The following CNBD1 variants were observed in gnomAD, a reference collection of about 807,000 sequenced individuals.
The protein encoded by CNBD1 is cyclic nucleotide-binding domain-containing protein 1.
CNBD1 carries 71 observed loss-of-function variants against 54.4 expected under a neutral mutation model. The ratio of observed to expected loss-of-function variants is 1.30; its 90% CI spans 1.08 to 1.59. The LOEUF (loss-of-function observed/expected upper bound fraction) is 1.59, where lower values mean the gene tolerates loss of function less well. Among genes scored for constraint, CNBD1 ranks in the 40% most tolerant of loss-of-function variants. The probability of loss-of-function intolerance (pLI) is 0.00; values close to 1 mark genes in which losing one functional copy is unlikely to be tolerated. For missense variants in CNBD1, 659 were observed against 518.0 expected, an observed-to-expected ratio of 1.27 and a Z score of -2.64; for synonymous variants, 182 against 170.7, an observed-to-expected ratio of 1.07 and a Z score of -0.51.
At chr8:87,223,950 G>C (rs557539107) in intron 5 of CNBD1, among the ~76,000 whole-genome samples, 1 of 152,248 alleles carries the variant, frequency 6.6e-6, no homozygotes, top group Admixed American at 6.5e-5. Flanking sequence ...GGTGTGAGAT[G>C]GTATCTCATT....
At chr8:87,365,879 A>G (rs765077527) in intron 10 of CNBD1, among the ~76,000 whole-genome samples, 3 of 152,074 alleles carry the variant, frequency 2.0e-5, no homozygotes, top group African/African-American at 4.8e-5. Context: ...AATGTCTCCC[A>G]CATTCTTTAT....
At chr8:87,092,517 ATG>A (rs1190500068) in intron 4 of CNBD1, among the ~76,000 whole-genome samples, 39 of 127,412 alleles carry the variant, frequency 3.1e-4, no homozygotes, top group African/African-American at 1.4e-3. Context: ...GTGTGTGTGT[ATG>A]TGTGTGTATG....
chr8:87,228,114 G>A (rs1232472925), intron 5 of CNBD1, among the ~76,000 whole-genome samples: 1 of 150,990 alleles, frequency 6.6e-6, no homozygotes, highest in African/African-American at 2.5e-5. Flanking sequence ...GCACTTCTCT[G>A]TATTGGTTAT....
At chr8:87,345,717 A>C (rs1259597682) in intron 8 of CNBD1, among the ~76,000 whole-genome samples, 3 of 152,098 alleles carry the variant, frequency 2.0e-5, no homozygotes, top group Non-Finnish European at 4.4e-5. Context: ...TTATGAAATA[A>C]ACATAAAAAA....
chr8:87,045,791 C>T (rs1418770338), intron 4 of CNBD1, among the ~76,000 whole-genome samples: 1 of 150,166 alleles, frequency 6.7e-6, no homozygotes, highest in Non-Finnish European at 1.5e-5. Flanking sequence ...CCTATAATCC[C>T]AGCACTTTAG....
At chr8:87,171,873 G>A (rs1479526381) in intron 4 of CNBD1, among the ~76,000 whole-genome samples, 5 of 151,890 alleles carry the variant, frequency 3.3e-5, no homozygotes, top group Non-Finnish European at 5.9e-5. Flanking sequence ...TCCTGACCTC[G>A]TGATCCACCT....
At chr8:87,390,791 C>T (rs1036379046) in intron 2 of CNBD1, among the ~76,000 whole-genome samples, 8 of 152,132 alleles carry the variant, frequency 5.3e-5, no homozygotes, top group Admixed American at 1.3e-4. Flanking sequence ...CACATGCACA[C>T]ATATGTTTAT....
intron 8 of CNBD1, among the ~76,000 whole-genome samples, chr8:87,298,346 C>T (rs777021312): frequency 6.6e-6 from 1 of 151,888 alleles, no homozygotes; most frequent in Non-Finnish European, 1.5e-5. Flanking sequence ...GGGCAAAGCG[C>T]GATGGAAGAC....
chr8:87,116,620 C>A (rs1217425716), intron 4 of CNBD1, among the ~76,000 whole-genome samples: 2 of 152,156 alleles, frequency 1.3e-5, no homozygotes, highest in African/African-American at 4.8e-5. Context: ...TTAACAGGTT[C>A]AATTTCATCC....
chr8:87,068,211 A>G (rs540331937), intron 4 of CNBD1, among the ~76,000 whole-genome samples: 1 of 152,080 alleles, frequency 6.6e-6, no homozygotes, highest in Non-Finnish European at 1.5e-5. Context: ...CTTACTCATC[A>G]AATTCTGACA....
intron 6 of CNBD1, among the ~76,000 whole-genome samples, chr8:87,241,291 TGAG>T (rs1807697945): frequency 7.3e-6 from 1 of 137,788 alleles, no homozygotes; most frequent in Admixed American, 7.4e-5. Context: ...TTTTTTTTTT[TGAG>T]GAGTCTCGCT....
intron 5 of CNBD1, among the ~76,000 whole-genome samples, chr8:87,208,489 A>G (rs938238207): frequency 2.0e-5 from 3 of 151,890 alleles, no homozygotes; most frequent in Non-Finnish European, 4.4e-5. Flanking sequence ...CTCTATATAC[A>G]TGTGTACGTA....
intron 2 of CNBD1, among the ~76,000 whole-genome samples, chr8:87,416,076 A>G (rs1399788272): frequency 1.3e-5 from 2 of 151,712 alleles, no homozygotes; most frequent in Non-Finnish European, 2.9e-5. Flanking sequence ...CACTTTCTCA[A>G]TACAACAATG....
intron 5 of CNBD1, among the ~76,000 whole-genome samples, chr8:87,228,525 T>G (rs994943194): frequency 2.0e-5 from 3 of 150,176 alleles, no homozygotes; most frequent in African/African-American, 7.6e-5. Flanking sequence ...GTGCCCCTGC[T>G]GGGGGGTGCC....
chr8:87,287,993 T>G (rs1808727315), intron 8 of CNBD1, among the ~76,000 whole-genome samples: 1 of 152,124 alleles, frequency 6.6e-6, no homozygotes, highest in Non-Finnish European at 1.5e-5. Flanking sequence ...TGGCATTTTT[T>G]TAACCAAAAG....
At chr8:87,403,617 A>G (rs1164027620) in intron 2 of CNBD1, among the ~76,000 whole-genome samples, 1 of 151,964 alleles carries the variant, frequency 6.6e-6, no homozygotes, top group East Asian at 1.9e-4. Flanking sequence ...CTTAATCTGT[A>G]TTTTATTCTT....
At chr8:87,413,979 C>G (rs1186960182) in intron 2 of CNBD1, among the ~76,000 whole-genome samples, 1 of 151,888 alleles carries the variant, frequency 6.6e-6, no homozygotes, top group Non-Finnish European at 1.5e-5. Context: ...CCTCAGGGAT[C>G]TAGAGCTAGA....
chr8:87,119,024 G>A (rs1450974908), intron 4 of CNBD1, among the ~76,000 whole-genome samples: 1 of 152,084 alleles, frequency 6.6e-6, no homozygotes, highest in African/African-American at 2.4e-5. Context: ...TAACAAACAT[G>A]TATTCAGCAC....
At chr8:87,359,154 C>T (rs1810482251) in intron 10 of CNBD1, among the ~76,000 whole-genome samples, 1 of 152,142 alleles carries the variant, frequency 6.6e-6, no homozygotes, top group Non-Finnish European at 1.5e-5. Flanking sequence ...TCTCCTTTGT[C>T]ATCTGGCAGC....
Sources: allele counts gnomAD v4.1 joint callset (sites outside exome capture counted in the v4.1 genomes callset), GRCh38; gene constraint gnomAD v4.1.1; transcripts MANE v1.5; gene names NCBI Gene and HGNC (gene_info 2026-07-23, HGNC 2026-07-21).